RPSA2: variants seen among roughly 807,000 people sequenced by gnomAD.
The protein encoded by RPSA2 is ribosomal protein SA 2.
At chr19:23,831,801 T>C in the RPSA2 span, 2 of 306,604 alleles carry the variant, frequency 6.5e-6, no homozygotes, top group African/African-American at 2.2e-5. Context: ...CAGAGCAAAG[T>C]ATTTCAATGT....
At chr19:23,808,611 G>A in the RPSA2 span, 4 of 308,190 alleles carry the variant, frequency 1.3e-5, no homozygotes, top group Admixed American at 1.6e-4. Context: ...AGTATATTGG[G>A]ATAAATTTAT....
At chr19:23,758,630 T>A in the RPSA2 span, 8 of 1,528,956 alleles carry the variant, frequency 5.2e-6, no homozygotes, top group Middle Eastern at 3.4e-4. Flanking sequence ...CCAAGTGGAC[T>A]GAGGCCGCCT....
At chr19:23,779,087 G>A in the RPSA2 span, among the ~76,000 whole-genome samples, 2 of 130,772 alleles carry the variant, frequency 1.5e-5, no homozygotes, top group African/African-American at 5.8e-5. Context: ...TGCAAGCTCC[G>A]CCTCCTGGGC....
the RPSA2 span, among the ~76,000 whole-genome samples, chr19:23,870,192 C>A: frequency 2.6e-5 from 4 of 152,182 alleles, no homozygotes; most frequent in African/African-American, 9.7e-5. Context: ...TCACACTAAT[C>A]ACTTCTGCTG....
chr19:23,811,840 T>TTACAG, the RPSA2 span, among the ~76,000 whole-genome samples: 148,834 of 152,166 alleles, frequency 0.98, 72,883 homozygotes, highest in Middle Eastern at 1. Flanking sequence ...TATATTTGGA[T>TTACAG]TAGTTTTATT....
At chr19:23,838,904 T>A in the RPSA2 span, among the ~76,000 whole-genome samples, 196 of 152,340 alleles carry the variant, frequency 1.3e-3, 1 homozygote, top group Middle Eastern at 3.4e-3. Flanking sequence ...GCTCTTTGTT[T>A]CATTTACCTT....
At chr19:23,865,059 G>A in the RPSA2 span, among the ~76,000 whole-genome samples, 1 of 152,176 alleles carries the variant, frequency 6.6e-6, no homozygotes, top group Non-Finnish European at 1.5e-5. Flanking sequence ...CAGTGGCAAA[G>A]TGGTGTCATG....
chr19:23,819,015 TAAAGGGAATAGCAAA>T, the RPSA2 span: 1 of 151,750 alleles, frequency 6.6e-6, no homozygotes, highest in Admixed American at 6.6e-5. Flanking sequence ...TTAACGTGGT[TAAAGGGAATAGCAAA>T]AGTAATGAAT....
At chr19:23,774,738 A>G in the RPSA2 span, among the ~76,000 whole-genome samples, 3 of 152,292 alleles carry the variant, frequency 2.0e-5, no homozygotes, top group South Asian at 6.2e-4. Flanking sequence ...TACAGGGAGC[A>G]TTGTGACATA....
chr19:23,847,609 A>G, the RPSA2 span, among the ~76,000 whole-genome samples: 4 of 152,234 alleles, frequency 2.6e-5, no homozygotes, highest in Non-Finnish European at 5.9e-5. Flanking sequence ...GCCTATGTTC[A>G]GTGGTGCACG....
chr19:23,852,087 G>A, the RPSA2 span, among the ~76,000 whole-genome samples: 84 of 152,226 alleles, frequency 5.5e-4, no homozygotes, highest in Non-Finnish European at 3.1e-4. Context: ...GGAATGAAGC[G>A]AAAACTAGAA....
the RPSA2 span, among the ~76,000 whole-genome samples, chr19:23,813,070 A>AT: frequency 2.0e-5 from 3 of 151,270 alleles, no homozygotes; most frequent in African/African-American, 7.3e-5. Flanking sequence ...CTCTACAAAC[A>AT]TTTTTTTTCT....
the RPSA2 span, chr19:23,763,156 A>C: frequency 6.4e-6 from 1 of 155,596 alleles, no homozygotes; most frequent in Non-Finnish European, 1.4e-5. Context: ...GGGTTGGGCA[A>C]CCCGAGAAGG....
At chr19:23,790,759 T>G in the RPSA2 span, 1 of 481,654 alleles carries the variant, frequency 2.1e-6, no homozygotes, top group African/African-American at 2.1e-5. Flanking sequence ...CAGGACCCGC[T>G]GAAAGCCTAG....
chr19:23,804,551 T>C, the RPSA2 span, among the ~76,000 whole-genome samples: 2 of 152,078 alleles, frequency 1.3e-5, no homozygotes, highest in Non-Finnish European at 2.9e-5. Context: ...TGTCTCGGCC[T>C]CCCAAAGTGC....
the RPSA2 span, among the ~76,000 whole-genome samples, chr19:23,837,439 T>C: frequency 6.6e-6 from 1 of 152,020 alleles, no homozygotes; most frequent in Non-Finnish European, 1.5e-5. Context: ...TTCTTAGTCT[T>C]ACTTTGGCTA....
chr19:23,761,425 G>T, the RPSA2 span, among the ~76,000 whole-genome samples: 1 of 152,050 alleles, frequency 6.6e-6, no homozygotes. Flanking sequence ...ATGAGCTATG[G>T]TTGTGCCACT....
At chr19:23,793,482 G>A in the RPSA2 span, among the ~76,000 whole-genome samples, 1 of 151,638 alleles carries the variant, frequency 6.6e-6, no homozygotes, top group African/African-American at 2.4e-5. Flanking sequence ...TGGAGACAGG[G>A]TCTCAGTCTG....
the RPSA2 span, among the ~76,000 whole-genome samples, chr19:23,868,613 G>A: frequency 6.6e-6 from 1 of 152,212 alleles, no homozygotes; most frequent in Admixed American, 6.5e-5. Context: ...TGGTAAGACT[G>A]CAGCAGAAAG....
Sources: gnomAD v4.1 joint callset for allele counts (sites outside exome capture counted in the v4.1 genomes callset) on GRCh38, gnomAD v4.1.1 for gene constraint, MANE v1.5 for transcripts, NCBI Gene and HGNC (gene_info 2026-07-23, HGNC 2026-07-21) for gene names.